Variants in CSMD2 observed in about 807,000 individuals in gnomAD.
The protein encoded by CSMD2 is CUB and Sushi multiple domains 2.
Under a neutral mutation model 398.5 loss-of-function variants are expected in CSMD2, and 130 were observed. The ratio of observed to expected loss-of-function variants is 0.33; its 90% CI spans 0.28 to 0.38. The LOEUF (loss-of-function observed/expected upper bound fraction) is 0.38, where lower values mean the gene tolerates loss of function less well. Among genes scored for constraint, CSMD2 ranks in the 10% least tolerant of loss-of-function variants. CSMD2 has a pLI of 1.00. For synonymous variants in CSMD2, 1,828 were observed against 1,908.5 expected, an observed-to-expected ratio of 0.96 and a Z score of 1.10; for missense variants, 3,829 against 4,764.9, an observed-to-expected ratio of 0.80 and a Z score of 5.78.
At chr1:34,150,078 TCTTTTTTTTTTG>T in intron 1 of CSMD2, among the ~76,000 whole-genome samples, 1 of 136,830 alleles carries the variant, frequency 7.3e-6, no homozygotes, top group African/African-American at 2.6e-5. Flanking sequence ...TTTTCTTCTT[TCTTTTTTTTTTG>T]TTTTTTTTTG....
chr1:33,671,955 C>G (rs1445030317), intron 25 of CSMD2, among the ~76,000 whole-genome samples: 2 of 151,980 alleles, frequency 1.3e-5, no homozygotes, highest in African/African-American at 4.8e-5. Context: ...TGCTTATAGG[C>G]AGTTTATCTC....
chr1:33,797,650 T>C (rs1655107559), intron 10 of CSMD2, among the ~76,000 whole-genome samples: 3 of 152,106 alleles, frequency 2.0e-5, no homozygotes, highest in African/African-American at 4.8e-5. Context: ...TCTCACACTT[T>C]CCTTGAGTTC....
chr1:33,745,233 G>T (rs1490809447), intron 13 of CSMD2, among the ~76,000 whole-genome samples: 1 of 152,070 alleles, frequency 6.6e-6, no homozygotes. Context: ...GTTTATAAAT[G>T]GATAAAGACT....
intron 25 of CSMD2, among the ~76,000 whole-genome samples, chr1:33,667,527 T>C (rs1644355673): frequency 6.6e-6 from 1 of 152,174 alleles, no homozygotes; most frequent in Non-Finnish European, 1.5e-5. Context: ...GTGCTTCTAC[T>C]CTCTCCTAAC....
intron 3 of CSMD2, among the ~76,000 whole-genome samples, chr1:34,030,857 C>T (rs2148147790): frequency 6.6e-6 from 1 of 152,276 alleles, no homozygotes; most frequent in Admixed American, 6.5e-5. Flanking sequence ...CTTCTAGTGT[C>T]CCTGACCCAG....
chr1:33,791,988 T>A (rs1183190168), intron 11 of CSMD2, among the ~76,000 whole-genome samples: 1 of 152,160 alleles, frequency 6.6e-6, no homozygotes, highest in African/African-American at 2.4e-5. Context: ...TCTGAAACCA[T>A]CCATTTCCCA....
At chr1:34,147,207 G>A (rs1028335518) in intron 1 of CSMD2, among the ~76,000 whole-genome samples, 3 of 152,062 alleles carry the variant, frequency 2.0e-5, no homozygotes, top group African/African-American at 4.8e-5. Context: ...GCAGTGAGCC[G>A]AGATCGTGCC....
intron 3 of CSMD2, among the ~76,000 whole-genome samples, chr1:33,993,433 A>ATTT (rs1646625897): frequency 6.6e-6 from 1 of 152,112 alleles, no homozygotes. Flanking sequence ...TCTCTCAAGA[A>ATTT]GGGCTTCTCT....
intron 10 of CSMD2, among the ~76,000 whole-genome samples, chr1:33,799,769 A>G (rs1655374833): frequency 1.3e-5 from 2 of 152,228 alleles, no homozygotes; most frequent in Non-Finnish European, 2.9e-5. Flanking sequence ...GAAAAATACA[A>G]GGAGCATGAG....
chr1:33,878,436 G>C (rs957501250), intron 5 of CSMD2: 2 of 152,316 alleles, frequency 1.3e-5, no homozygotes, highest in Admixed American at 6.5e-5. Flanking sequence ...TGAGCTGCCA[G>C]GTGTTGGGTG....
At chr1:33,539,198 C>T (rs535690700) in intron 60 of CSMD2, among the ~76,000 whole-genome samples, 1 of 152,276 alleles carries the variant, frequency 6.6e-6, no homozygotes, top group South Asian at 2.1e-4. Flanking sequence ...AATCTCCTGA[C>T]CTCGTGATCC....
intron 47 of CSMD2, among the ~76,000 whole-genome samples, chr1:33,583,258 A>G (rs1638854417): frequency 6.6e-6 from 1 of 152,216 alleles, no homozygotes; most frequent in Admixed American, 6.5e-5. Flanking sequence ...CAAATTAAAG[A>G]GCAAATTATT....
In CSMD2 at chr1:33,860,187, C is replaced by T. The variant is rs532850353; in HGVS notation, c.921-13191G>A. On this transcript the variant is annotated intron_variant, in intron 5 of 70. Transcript: ENST00000373381. ...TTGTCTGTCACAGGATTCAGTCTAG[C>T]ATCTCTCATTGCATTTGTCCTGTCT... Among the ~76,000 whole-genome samples the T allele has an allele frequency of 2.0e-5, 3 of 152,264 alleles. No homozygotes were observed. In the East Asian group the frequency reaches 5.8e-4, roughly 29 times the overall value.
chr1:33,630,232 G>GCTA (rs966509759), intron 32 of CSMD2, among the ~76,000 whole-genome samples: 12 of 151,954 alleles, frequency 7.9e-5, no homozygotes, highest in Admixed American at 6.6e-4. Context: ...TAAATCTATA[G>GCTA]CTATACATTA....
At chr1:33,946,629 T>C (rs1213113974) in intron 3 of CSMD2, among the ~76,000 whole-genome samples, 2 of 151,942 alleles carry the variant, frequency 1.3e-5, no homozygotes. Flanking sequence ...ACTTTTTTTT[T>C]TTTTTTTGAG....
At chr1:33,921,040 A>G (rs1357007099) in intron 4 of CSMD2, among the ~76,000 whole-genome samples, 1 of 152,174 alleles carries the variant, frequency 6.6e-6, no homozygotes, top group Non-Finnish European at 1.5e-5. Flanking sequence ...TCTGAACTGA[A>G]AGGGACATGC....
chr1:34,057,094 C>A (rs1271317496), intron 2 of CSMD2, among the ~76,000 whole-genome samples: 1 of 152,184 alleles, frequency 6.6e-6, no homozygotes, highest in Non-Finnish European at 1.5e-5. Context: ...CTCCCCTCCA[C>A]TCCCAGTGAC....
At chr1:34,092,542 TG>T (rs922978225) in intron 1 of CSMD2, among the ~76,000 whole-genome samples, 1 of 152,122 alleles carries the variant, frequency 6.6e-6, no homozygotes, top group African/African-American at 2.4e-5. Context: ...CGCAGGTCAG[TG>T]GGTGCGCGCA....
intron 5 of CSMD2, among the ~76,000 whole-genome samples, chr1:33,903,845 A>T (rs1642909041): frequency 6.6e-6 from 1 of 152,092 alleles, no homozygotes; most frequent in South Asian, 2.1e-4. Flanking sequence ...TTTACATTGA[A>T]CTCTATATTT....
Sources: allele counts gnomAD v4.1 joint callset (sites outside exome capture counted in the v4.1 genomes callset), GRCh38; gene constraint gnomAD v4.1.1; transcripts MANE v1.5; gene names NCBI Gene and HGNC (gene_info 2026-07-23, HGNC 2026-07-21).